The following GNA12 variants were observed in gnomAD, a reference collection of about 807,000 sequenced individuals.
GNA12 encodes the protein guanine nucleotide-binding protein subunit alpha-12.
GNA12 carries 9 observed loss-of-function variants against 26.0 expected under a neutral mutation model. That is an observed-to-expected ratio of 0.35 (90% CI 0.21 to 0.60). GNA12 has a LOEUF of 0.60. Ranked by LOEUF, GNA12 falls within the 20% of genes least tolerant of loss-of-function variation. The probability of loss-of-function intolerance (pLI) is 0.78; values close to 1 mark genes in which losing one functional copy is unlikely to be tolerated. For missense variants in GNA12, 405 were observed against 525.8 expected (o/e 0.77, Z 2.25); for synonymous variants, 264 against 219.6 (o/e 1.20, Z -1.79).
intron 2 of GNA12, among the ~76,000 whole-genome samples, chr7:2,773,572 A>G (rs1001163402): frequency 1.3e-5 from 2 of 152,090 alleles, no homozygotes; most frequent in African/African-American, 2.4e-5. Context: ...AAAAATAAAC[A>G]AACAAACAAA....
intron 2 of GNA12, among the ~76,000 whole-genome samples, chr7:2,767,287 G>C (rs1021688571): frequency 6.6e-6 from 1 of 152,018 alleles, no homozygotes; most frequent in Non-Finnish European, 1.5e-5. Context: ...TAGGCTTTTG[G>C]TATCATACCC....
intron 1 of GNA12, among the ~76,000 whole-genome samples, chr7:2,802,661 A>T (rs1043429944): frequency 6.6e-6 from 1 of 152,170 alleles, no homozygotes; most frequent in Non-Finnish European, 1.5e-5. Context: ...CTCGGGCAAC[A>T]GCATGTGGAC....
intron 1 of GNA12, among the ~76,000 whole-genome samples, chr7:2,804,021 C>T (rs550187711): frequency 5.9e-5 from 9 of 152,188 alleles, no homozygotes; most frequent in African/African-American, 1.4e-4. Context: ...GGATAAGTCT[C>T]GGAATCTCCC....
chr7:2,761,235 C>T (rs954203943), intron 2 of GNA12, among the ~76,000 whole-genome samples: 7 of 152,190 alleles, frequency 4.6e-5, no homozygotes, highest in African/African-American at 9.7e-5. Context: ...TGCTACCTCC[C>T]GGCCGTGGAT....
At chr7:2,803,513 A>T (rs1792868195) in intron 1 of GNA12, among the ~76,000 whole-genome samples, 1 of 152,204 alleles carries the variant, frequency 6.6e-6, no homozygotes, top group Admixed American at 6.5e-5. Flanking sequence ...GGAATTCACC[A>T]AACCTGCAGA....
intron 1 of GNA12, among the ~76,000 whole-genome samples, chr7:2,805,400 A>G (rs1349650881): frequency 2.0e-5 from 3 of 152,252 alleles, no homozygotes; most frequent in African/African-American, 7.2e-5. Flanking sequence ...AGTTTAAGCT[A>G]GAGATTTTCT....
intron 2 of GNA12, among the ~76,000 whole-genome samples, chr7:2,783,139 G>A (rs114952174): frequency 0.021 from 3,135 of 152,212 alleles, 129 homozygotes; most frequent in African/African-American, 0.072. Context: ...GCACTGTGTT[G>A]TCTACCTGGG....
intron 2 of GNA12, among the ~76,000 whole-genome samples, chr7:2,787,654 C>T (rs963513945): frequency 3.3e-5 from 5 of 152,212 alleles, no homozygotes; most frequent in African/African-American, 9.7e-5. Context: ...GGCTGAAGGC[C>T]GCTTCCGTTG....
chr7:2,747,170 T>G (rs1324759474), intron 2 of GNA12, among the ~76,000 whole-genome samples: 2 of 152,220 alleles, frequency 1.3e-5, no homozygotes, highest in Non-Finnish European at 2.9e-5. Context: ...ACTCATTTTA[T>G]GAGGCCAGCA....
chr7:2,794,104 C>G (rs1329222761), intron 2 of GNA12, among the ~76,000 whole-genome samples: 2 of 152,034 alleles, frequency 1.3e-5, no homozygotes, highest in Non-Finnish European at 2.9e-5. Context: ...ATACTATACA[C>G]TAAGAAATGA....
chr7:2,746,608 A>G lies in GNA12; in HGVS notation c.526-13107T>C, dbSNP rs189318608. 8.4e-4 allele frequency among the ~76,000 whole-genome samples: 128 copies of G among 152,330 alleles called. 1 individual carries two copies. Among genetic ancestry groups the G allele is most frequent in the African/African-American group, 2.9e-3 (120 of 41,564 alleles). On this transcript the variant is annotated intron_variant, in intron 2 of 3. Transcript: ENST00000275364. ...ACACCCTAACATCACAACTAAAAGA[A>G]CTAGAAAAGCAAGAACAAACACATT...
chr7:2,830,124 C>T (rs1298634846), intron 1 of GNA12, among the ~76,000 whole-genome samples: 2 of 152,178 alleles, frequency 1.3e-5, no homozygotes, highest in African/African-American at 4.8e-5. Context: ...GACTCTGGGT[C>T]TGTTTCTTTC....
At chr7:2,752,767 T>C (rs1269561192) in intron 2 of GNA12, among the ~76,000 whole-genome samples, 1 of 152,344 alleles carries the variant, frequency 6.6e-6, no homozygotes, top group Non-Finnish European at 1.5e-5. Flanking sequence ...TATAGATGCA[T>C]AGGAAGTTGC....
intron 1 of GNA12, among the ~76,000 whole-genome samples, chr7:2,826,857 A>G (rs928975338): frequency 6.6e-6 from 1 of 152,216 alleles, no homozygotes; most frequent in African/African-American, 2.4e-5. Flanking sequence ...GAATGATGCC[A>G]TAACGGTGGA....
intron 1 of GNA12, among the ~76,000 whole-genome samples, chr7:2,811,916 C>T (rs905266737): frequency 1.3e-5 from 2 of 152,224 alleles, no homozygotes; most frequent in African/African-American, 4.8e-5. Flanking sequence ...ATGTCCCCGT[C>T]CATCTTATAA....
rs1189157101 is a variant in GNA12 at position 2,728,117 on chromosome 7, C to G, written c.*3064G>C. Reference sequence around the variant, plus strand: ...AATACTGGCACTATTTTATATTAAGCAAAGAAAGACTAAATTTATTTTAAT... The same window carrying G: ...AATACTGGCACTATTTTATATTAAGGAAAGAAAGACTAAATTTATTTTAAT... On this transcript the variant is annotated 3_prime_UTR_variant, in exon 4 of 4. Coordinates refer to ENST00000275364, the MANE Select transcript of GNA12 (RefSeq NM_007353.3). 1.3e-5 allele frequency: 2 copies of G among 151,556 alleles called. No individual in the cohort carries two copies. Among genetic ancestry groups the G allele is most frequent in the East Asian group, 3.8e-4 (2 of 5,308 alleles). The allele number at this position is 151,556 out of a possible 1,614,324, so 9.4% of individuals were successfully genotyped here. A position where few individuals can be genotyped will look rare whatever the true frequency, so the allele number is the denominator to read the frequency against.
chr7:2,829,261 T>C (rs1793549336), intron 1 of GNA12, among the ~76,000 whole-genome samples: 4 of 152,114 alleles, frequency 2.6e-5, no homozygotes, highest in African/African-American at 9.7e-5. Context: ...AAGCCTAGAA[T>C]TGGGAAATCC....
intron 2 of GNA12, chr7:2,760,304 T>C (rs1791497082): frequency 1.3e-5 from 2 of 152,488 alleles, no homozygotes; most frequent in South Asian, 4.1e-4. Flanking sequence ...CACAACCTGC[T>C]GTGTTCTGCA....
rs149789555 is a variant in GNA12, at chr7:2,766,054, G to GA, written c.525+28873dup. On this transcript the variant is annotated intron_variant, in intron 2 of 3. Coordinates refer to ENST00000275364, the MANE Select transcript of GNA12 (RefSeq NM_007353.3). ...GTGTTAAGCATATTAACGTTGTTGT[G>GA]AAACCGATCTCCAAAACTTTTTCAT... 5.3e-3 allele frequency among the ~76,000 whole-genome samples: 813 copies of GA among 152,304 alleles called. 7 individuals are homozygous for GA. Among genetic ancestry groups the GA allele is most frequent in the African/African-American group, 0.018 (768 of 41,558 alleles).
Sources: allele counts gnomAD v4.1 joint callset (sites outside exome capture counted in the v4.1 genomes callset), GRCh38; gene constraint gnomAD v4.1.1; transcripts MANE v1.5; gene names NCBI Gene and HGNC (gene_info 2026-07-23, HGNC 2026-07-21).